The following CHMP6 variants were observed in gnomAD, a reference collection of about 807,000 sequenced individuals.
CHMP6 encodes the protein chromatin-modifying protein 6.
Under a neutral mutation model 32.8 loss-of-function variants are expected in CHMP6, and 10 were observed. The ratio of observed to expected loss-of-function variants is 0.30; its 90% CI spans 0.19 to 0.52. The LOEUF (loss-of-function observed/expected upper bound fraction) is 0.52. CHMP6 is among the 20% of genes least tolerant of loss of function. The pLI is 0.97. For missense variants in CHMP6, 269 were observed against 263.8 expected (o/e 1.02, Z -0.14); for synonymous variants, 123 against 105.8 (o/e 1.16, Z -1.00).
Position 80,991,866 on chromosome 17 carries a change from G to A in CHMP6, c.-53G>A, listed in dbSNP as rs1261112752. On this transcript the variant is annotated 5_prime_UTR_variant, in exon 1 of 8. Transcript: ENST00000325167. ...AGGACCCGAGCTACGGTGGCCGCGG[G>A]GCGGCGGTGGCGATTGGACTTGGTG... 2 of 1,324,344 alleles carry A rather than the reference G, an allele frequency of 1.5e-6. No homozygotes were observed. The highest frequency in any genetic ancestry group is 1.5e-5 in the African/African-American group (1 of 65,864). 82.0% of individuals were successfully genotyped at this position (1,324,344 alleles called of 1,614,324 possible).
At position 80,997,130 on chromosome 17, in the gene CHMP6, G is replaced by A. The variant is rs569856671; in HGVS notation, c.414+58G>A. The A allele has an allele frequency of 3.2e-5, 51 of 1,607,142 alleles. No homozygotes were observed. In the East Asian group the frequency reaches 6.5e-4, roughly 20 times the overall value. On this transcript the variant is annotated intron_variant, in intron 5 of 7. Coordinates refer to ENST00000325167, the MANE Select transcript of CHMP6 (RefSeq NM_024591.5). Reference sequence around the variant, plus strand: ...TGTGAGAACCCACAAGGCCACCCTCGAGGGCCAAACTGTCCCACATCCTAG... The same window carrying A: ...TGTGAGAACCCACAAGGCCACCCTCAAGGGCCAAACTGTCCCACATCCTAG...
chr17:80,995,221 G>A (rs570261027), intron 3 of CHMP6, 115 bp downstream of exon 3: 8 of 1,011,536 alleles, frequency 7.9e-6, no homozygotes, highest in East Asian at 2.7e-5. Context: ...CAGATGCCTC[G>A]GGCTGAAGCT....
At chr17:80,994,217 T>C (rs1037673414) in intron 1 of CHMP6, among the ~76,000 whole-genome samples, 4 of 152,048 alleles carry the variant, frequency 2.6e-5, no homozygotes, top group Admixed American at 1.3e-4. Flanking sequence ...CCCAGCCGAG[T>C]CCAAACCTTT....
rs987214316 is a variant in CHMP6 at position 80,999,456 on chromosome 17, G to A, written c.*303G>A. The A allele has an allele frequency of 7.4e-6, 3 of 407,342 alleles. No individual in the cohort carries two copies. Among genetic ancestry groups the A allele is most frequent in the South Asian group, 2.6e-5 (1 of 38,184 alleles). 25.2% of individuals were successfully genotyped at this position (407,342 alleles called of 1,614,324 possible). ...GCCCAGGCCCAACGCCTCTGGTGCT[G>A]TTCCCCTGCAGTCCCAGCCCCGCGT... On this transcript the variant is annotated 3_prime_UTR_variant, in exon 8 of 8. Transcript: ENST00000325167.
At position 80,999,159 on chromosome 17, in the gene CHMP6, C is replaced by T. The variant is rs370023603; in HGVS notation, c.*6C>T. 4 of 1,614,006 alleles carry T rather than the reference C, an allele frequency of 2.5e-6. No homozygotes were observed. The highest frequency in any genetic ancestry group is 2.5e-6 in the Non-Finnish European group (3 of 1,179,942). On this transcript the variant is annotated 3_prime_UTR_variant, in exon 8 of 8. Transcript: ENST00000325167. ...AGCTGGTGGCAGCTTCGTAACGTGG[C>T]CTCGTCTTGTGGGACTCACGGGGAT...
chr17:80,995,997 G>A lies in CHMP6; in HGVS notation c.348+239G>A, dbSNP rs543026635. On this transcript the variant is annotated intron_variant, in intron 4 of 7. Coordinates refer to ENST00000325167, the MANE Select transcript of CHMP6 (RefSeq NM_024591.5). ...AAGTGACATAGAAGGGAAGTCTGAG[G>A]GTGGGGAGGGGGCTGGCAAACTAAT... Among the ~76,000 whole-genome samples the A allele has an allele frequency of 6.6e-5, 10 of 152,230 alleles. No homozygotes were observed. In the South Asian group the frequency reaches 2.1e-3, roughly 32 times the overall value.
intron 3 of CHMP6, among the ~76,000 whole-genome samples, 176 bp from the exon 4 acceptor site, chr17:80,995,496 G>T (rs1450024284): frequency 6.6e-6 from 1 of 152,186 alleles, no homozygotes; most frequent in Non-Finnish European, 1.5e-5. Flanking sequence ...CACCTGCTCA[G>T]TCCTGCGCAT....
At chr17:80,993,563 G>A (rs562847729) in intron 1 of CHMP6, among the ~76,000 whole-genome samples, 35 of 152,382 alleles carry the variant, frequency 2.3e-4, no homozygotes, top group African/African-American at 8.4e-4. Flanking sequence ...CACAGGCCCT[G>A]ACTGAGCTAA....
intron 1 of CHMP6, among the ~76,000 whole-genome samples, chr17:80,993,017 G>A (rs368820234): frequency 6.6e-6 from 1 of 152,178 alleles, no homozygotes. Flanking sequence ...GCACCGTCCC[G>A]AGCTGCCTGC....
At chr17:80,995,827 G>A (rs574021262) in intron 4 of CHMP6, 69 bp downstream of exon 4, 21 of 1,414,112 alleles carry the variant, frequency 1.5e-5, no homozygotes, top group East Asian at 4.6e-5. Context: ...GGGATAGGGC[G>A]GGGGGCTTGT....
At chr17:80,998,326 C>T in intron 6 of CHMP6, 40 bp from the exon 7 acceptor site, 1 of 1,612,966 alleles carries the variant, frequency 6.2e-7, no homozygotes, top group South Asian at 1.1e-5. Context: ...CCGGGGCAGA[C>T]CTGTCACCTG....
chr17:80,998,390 C>G lies in CHMP6; in HGVS notation c.520C>G (p.Pro174Ala). Residue 174 changes from proline (P) to alanine (A), a missense_variant, in exon 7 of 8, where the codon CCC (proline) becomes GCC (alanine). Physicochemically the swap from Pro to Ala is conservative, Grantham distance 27. Transcript: ENST00000325167. ...GGAACAAATAGAGCTGCCAGAGGTT[C>G]CCTCCGAGCCCCTTCCTGAGAAGAT... ...TQEQIELPEV[P>A]SEPLPEKIPE... is the part of the protein sequence containing the mutation. The G allele has an allele frequency of 3.7e-6, 6 of 1,614,208 alleles. No homozygotes were observed. The highest frequency in any genetic ancestry group is 5.1e-6 in the Non-Finnish European group (6 of 1,180,030).
At chr17:80,997,160 G>A in intron 5 of CHMP6, 88 bp downstream of exon 5, 1 of 1,599,840 alleles carries the variant, frequency 6.3e-7, no homozygotes. Flanking sequence ...TCCTAGAGCG[G>A]CCGCCTTCTC....
In CHMP6 at chr17:80,991,911, G is replaced by C. The variant is rs756151571; in HGVS notation, c.-8G>C. The C allele has an allele frequency of 6.9e-7, 1 of 1,455,648 alleles. No homozygotes were observed. Among genetic ancestry groups the C allele is most frequent in the Admixed American group, 2.3e-5 (1 of 43,366 alleles). The allele number at this position is 1,455,648 out of a possible 1,614,324, so 90.2% of individuals were successfully genotyped here. Reference sequence around the variant, plus strand: ...TTGGTGGGTCCCGGGCCAGGGGCGGGCGCCGCCATGGGTAACCTGTTCGGC... The same window carrying C: ...TTGGTGGGTCCCGGGCCAGGGGCGGCCGCCGCCATGGGTAACCTGTTCGGC... On this transcript the variant is annotated 5_prime_UTR_variant, in exon 1 of 8. Transcript: ENST00000325167.
chr17:80,992,041 G>A, intron 1 of CHMP6, 60 bp downstream of exon 1: 1 of 1,229,272 alleles, frequency 8.1e-7, no homozygotes, highest in South Asian at 2.6e-5. Flanking sequence ...GCCGGGGCGG[G>A]CGGCGGGGCC....
At chr17:80,998,852 C>T (rs1399930897) in intron 7 of CHMP6, among the ~76,000 whole-genome samples, 1 of 152,214 alleles carries the variant, frequency 6.6e-6, no homozygotes, top group Non-Finnish European at 1.5e-5. Context: ...CTTTGGGGCT[C>T]TTCTCCTCTC....
chr17:80,993,303 C>G (rs1357537779), intron 1 of CHMP6, among the ~76,000 whole-genome samples: 1 of 151,458 alleles, frequency 6.6e-6, no homozygotes, highest in African/African-American at 2.4e-5. Context: ...AACAGGTGTT[C>G]CCCACGTGGC....
chr17:80,997,346 CG>C lies in CHMP6; in HGVS notation c.495+7del. The C allele has an allele frequency of 9.3e-7, 1 of 1,072,818 alleles. No homozygotes were observed. Among genetic ancestry groups the C allele is most frequent in the Non-Finnish European group, 1.3e-6 (1 of 779,648 alleles). 66.5% of individuals were successfully genotyped at this position (1,072,818 alleles called of 1,614,324 possible). A position where few individuals can be genotyped will look rare whatever the true frequency, so the allele number is the denominator to read the frequency against. On this transcript the variant is annotated splice_donor_region_variant and intron_variant, in intron 6 of 7. Transcript: ENST00000325167. ...GAGCTGAGCGCAATCACTCAGGTAA[CG>C]GCCCCCCCGGGACTGAGCACAGTCA...
rs111347353 is a variant in CHMP6, at chr17:80,998,490, A to AGAG, written c.550+72_550+73insGGA. On this transcript the variant is annotated intron_variant, in intron 7 of 7. Transcript: ENST00000325167. ...GAAAAGTGGATTCTAGAAGGGAACA[A>AGAG]GACAGAATGCTCCCAGGCCTTCCTG... 5 of 1,612,894 alleles carry AGAG rather than the reference A, an allele frequency of 3.1e-6. No individual in the cohort carries two copies. The Admixed American group carries it at 5.0e-5, about 16-fold the overall frequency.
Sources: allele counts gnomAD v4.1 joint callset (sites outside exome capture counted in the v4.1 genomes callset), GRCh38; gene constraint gnomAD v4.1.1; transcripts MANE v1.5; gene names NCBI Gene and HGNC (gene_info 2026-07-23, HGNC 2026-07-21).